The following GSG1L variants were observed in gnomAD, a reference collection of about 807,000 sequenced individuals.
The protein encoded by GSG1L is GSG1 like, also known as germ cell-specific gene 1-like protein.
A neutral mutation model predicts 42.1 loss-of-function variants in GSG1L; 24 were observed. The observed-to-expected ratio is 0.57, with a 90% CI of 0.41 to 0.80. The LOEUF (loss-of-function observed/expected upper bound fraction) is 0.80. GSG1L is among the 30% of genes least tolerant of loss of function. The pLI is 0.00. For missense variants in GSG1L, 445 were observed against 472.2 expected (o/e 0.94, Z 0.53); for synonymous variants, 215 against 203.5 (o/e 1.06, Z -0.48).
chr16:27,974,919 C>A (rs181614615), intron 1 of GSG1L, among the ~76,000 whole-genome samples: 3 of 151,948 alleles, frequency 2.0e-5, no homozygotes, highest in Non-Finnish European at 4.4e-5. Context: ...GGGGTGTGGA[C>A]AGGGTTGAGG....
chr16:27,806,768 A>G (rs1438662113), intron 6 of GSG1L, among the ~76,000 whole-genome samples: 3 of 152,202 alleles, frequency 2.0e-5, no homozygotes, highest in Non-Finnish European at 1.5e-5. Flanking sequence ...GTGATTAGCT[A>G]AGCTATGTGA....
intron 2 of GSG1L, among the ~76,000 whole-genome samples, chr16:27,907,279 T>C (rs761998708): frequency 5.9e-5 from 9 of 152,174 alleles, no homozygotes; most frequent in Admixed American, 3.3e-4. Flanking sequence ...GGCTGACTCT[T>C]AAGAGCATTG....
At chr16:27,839,703 T>C (rs556468786) in intron 4 of GSG1L, among the ~76,000 whole-genome samples, 1 of 152,348 alleles carries the variant, frequency 6.6e-6, no homozygotes, top group South Asian at 2.1e-4. Flanking sequence ...GTGGCAATGC[T>C]GGTTGTGCAG....
intron 2 of GSG1L, among the ~76,000 whole-genome samples, chr16:27,899,862 C>G (rs570984199): frequency 2.0e-5 from 3 of 152,316 alleles, no homozygotes; most frequent in South Asian, 4.1e-4. Context: ...AAATCCTCAG[C>G]TGCCTCAAGC....
chr16:27,930,691 T>C (rs549092065), intron 2 of GSG1L, among the ~76,000 whole-genome samples: 3 of 152,296 alleles, frequency 2.0e-5, no homozygotes, highest in African/African-American at 7.2e-5. Context: ...GAGCATATAG[T>C]AGGTCCTTAA....
At chr16:27,946,263 G>T (rs904873311) in intron 2 of GSG1L, among the ~76,000 whole-genome samples, 1 of 152,106 alleles carries the variant, frequency 6.6e-6, no homozygotes, top group Non-Finnish European at 1.5e-5. Flanking sequence ...AACTAAATGA[G>T]GTCAGTCGCG....
intron 2 of GSG1L, among the ~76,000 whole-genome samples, chr16:27,908,064 CTT>C (rs1275662912): frequency 6.6e-6 from 1 of 152,224 alleles, no homozygotes; most frequent in Non-Finnish European, 1.5e-5. Flanking sequence ...CCACTTCTGA[CTT>C]TGAGCTCAGC....
rs149224734 is a variant in GSG1L at position 27,828,831 on chromosome 16, G to T, written c.788C>A (p.Pro263Gln). Reference protein sequence around the residue: ...KVFEQGYREEPTFIDPEAIKY... With the variant: ...KVFEQGYREEQTFIDPEAIKY... ...GATGGCCTCAGGGTCTATGAAGGTC[G>T]GCTCTTCCCGGTAGCCCTGCTCAAA... is the stretch of plus-strand genomic sequence containing the variant. Residue 263 changes from proline to glutamine, a missense_variant, in exon 5 of 7, where the codon CCG becomes CAG. Pro to Gln is a moderately conservative substitution (Grantham distance 76, BLOSUM62 -1). Coordinates refer to ENST00000447459, the MANE Select transcript of GSG1L (RefSeq NM_001109763.2). 1.1e-5 allele frequency: 18 copies of T among 1,614,028 alleles called. No individual in the cohort carries two copies. Among genetic ancestry groups the T allele is most frequent in the South Asian group, 3.3e-5 (3 of 91,078 alleles).
At chr16:27,867,989 G>A (rs2083753090) in intron 3 of GSG1L, among the ~76,000 whole-genome samples, 1 of 152,234 alleles carries the variant, frequency 6.6e-6, no homozygotes, top group African/African-American at 2.4e-5. Context: ...AAAACTGCCA[G>A]AAACCAGCAG....
rs1164052567 is a variant in GSG1L at position 27,979,677 on chromosome 16, G to GAA, written c.350-16475_350-16474insTT. The stretch of plus-strand genomic sequence containing the variant: ...AAAGAAAGAAAGAGAGAGAGAGAGA[G>GAA]AGAAAGAAAGAAGGAAGGAAGGAAG... On this transcript the variant is annotated intron_variant, in intron 1 of 6. Transcript: ENST00000447459. Among the ~76,000 whole-genome samples, 47 of 38,960 alleles carry GAA rather than the reference G, an allele frequency of 1.2e-3. 1 individual carries two copies. Among genetic ancestry groups the GAA allele is most frequent in the East Asian group, 6.3e-3 (17 of 2,684 alleles). 25.6% of individuals were successfully genotyped at this position (38,960 alleles called of 152,430 possible).
chr16:27,979,688 A>AAGGG (rs2085297222), intron 1 of GSG1L, among the ~76,000 whole-genome samples: 1 of 27,778 alleles, frequency 3.6e-5, no homozygotes, highest in Non-Finnish European at 7.8e-5. Flanking sequence ...AGAAAGAAAG[A>AAGGG]AGGAAGGAAG....
At chr16:27,886,398 C>CCACTG (rs1450199381) in intron 2 of GSG1L, among the ~76,000 whole-genome samples, 1 of 152,184 alleles carries the variant, frequency 6.6e-6, no homozygotes, top group African/African-American at 2.4e-5. Context: ...CGAGATAGCA[C>CCACTG]CACTGCACTC....
intron 3 of GSG1L, among the ~76,000 whole-genome samples, chr16:27,876,030 T>G (rs2083883019): frequency 6.6e-6 from 1 of 152,186 alleles, no homozygotes; most frequent in Admixed American, 6.5e-5. Flanking sequence ...ATCCCCTTTT[T>G]TCCCTCCAGC....
rs1405499059 is a variant in GSG1L at position 27,789,467 on chromosome 16, G to C, written c.*1903C>G. The C allele has an allele frequency of 6.6e-6, 1 of 151,850 alleles. No individual in the cohort carries two copies. Among genetic ancestry groups the C allele is most frequent in the Non-Finnish European group, 1.5e-5 (1 of 67,930 alleles). The allele number at this position is 151,850 out of a possible 1,614,324, so 9.4% of individuals were successfully genotyped here. On this transcript the variant is annotated 3_prime_UTR_variant, in exon 7 of 7. Transcript: ENST00000447459. ...GATGAATGATGGATAAAGGATGGAT[G>C]GATGATGGATAGATGGATGAATGGA...
chr16:28,042,991 T>C (rs976155731), intron 1 of GSG1L, among the ~76,000 whole-genome samples: 1 of 152,182 alleles, frequency 6.6e-6, no homozygotes, highest in African/African-American at 2.4e-5. Flanking sequence ...AGGAGCAGAC[T>C]CAATCCTACG....
chr16:27,993,795 A>C (rs2085480559), intron 1 of GSG1L, among the ~76,000 whole-genome samples: 1 of 152,210 alleles, frequency 6.6e-6, no homozygotes, highest in Non-Finnish European at 1.5e-5. Flanking sequence ...GGCTACACAG[A>C]TGACTTGCCC....
intron 1 of GSG1L, among the ~76,000 whole-genome samples, chr16:27,989,984 G>A (rs1235353563): frequency 6.6e-6 from 1 of 152,112 alleles, no homozygotes; most frequent in Admixed American, 6.6e-5. Flanking sequence ...AAAGGACCCT[G>A]ACAAGTCATC....
At position 27,826,466 on chromosome 16, in the gene GSG1L, C is replaced by T. The variant is rs142043205; in HGVS notation, c.830+2323G>A. Among the ~76,000 whole-genome samples the T allele has an allele frequency of 6.6e-3, 1,001 of 152,258 alleles. 6 individuals carry two copies. The highest frequency in any genetic ancestry group is 0.011 in the Non-Finnish European group (732 of 68,024). On this transcript the variant is annotated intron_variant, in intron 5 of 6. Transcript: ENST00000447459. ...CACTGAAAGGTGTTAATGCCCATCT[C>T]CTTCAGCTCCCCCAGAAGTAGGCCC...
At chr16:27,877,464 T>G (rs2141017720) in intron 3 of GSG1L, among the ~76,000 whole-genome samples, 1 of 152,278 alleles carries the variant, frequency 6.6e-6, no homozygotes, top group East Asian at 1.9e-4. Flanking sequence ...TTTCTTCTGG[T>G]TTTAAAAGAA....
Sources: gnomAD v4.1 joint callset for allele counts (sites outside exome capture counted in the v4.1 genomes callset) on GRCh38, gnomAD v4.1.1 for gene constraint, MANE v1.5 for transcripts, NCBI Gene and HGNC (gene_info 2026-07-23, HGNC 2026-07-21) for gene names.